Variants in TSHZ3 observed in about 807,000 individuals in gnomAD.
TSHZ3 encodes teashirt homolog 3.
In TSHZ3, 10 loss-of-function variants were observed where a neutral mutation model predicts 64.5. That is an observed-to-expected ratio of 0.16 (90% confidence interval 0.10 to 0.26). TSHZ3 has a LOEUF of 0.26. Ranked by LOEUF, TSHZ3 falls within the 10% of genes least tolerant of loss-of-function variation. The pLI is 1.00. For synonymous variants in TSHZ3, 608 were observed against 593.1 expected (o/e 1.03, Z -0.36); for missense variants, 1,242 against 1,421.7 (o/e 0.87, Z 2.03).
At chr19:31,159,862 T>G (rs942755244) in intron 5 of TSHZ3, among the ~76,000 whole-genome samples, 2 of 152,090 alleles carry the variant, frequency 1.3e-5, no homozygotes, top group Admixed American at 1.3e-4. Context: ...CCAGCTAATC[T>G]TTTATTTTTC....
chr19:31,181,939 G>A (rs556137976), intron 5 of TSHZ3, among the ~76,000 whole-genome samples: 1 of 152,302 alleles, frequency 6.6e-6, no homozygotes, highest in Admixed American at 6.5e-5. Flanking sequence ...GAAGCCAGAA[G>A]GAACTGGAGT....
chr19:31,158,570 C>T (rs1488899046), intron 5 of TSHZ3, among the ~76,000 whole-genome samples: 1 of 152,098 alleles, frequency 6.6e-6, no homozygotes, highest in African/African-American at 2.4e-5. Flanking sequence ...ACAAGGTTTC[C>T]ACGAGCCAGA....
intron 1 of TSHZ3, among the ~76,000 whole-genome samples, chr19:31,329,300 T>C (rs1917010014): frequency 6.6e-6 from 1 of 152,226 alleles, no homozygotes; most frequent in Admixed American, 6.5e-5. Flanking sequence ...GGTAATTTCT[T>C]ACTACTGAAA....
chr19:31,285,566 T>C (rs1976445330), intron 1 of TSHZ3, among the ~76,000 whole-genome samples: 1 of 151,034 alleles, frequency 6.6e-6, no homozygotes, highest in African/African-American at 2.4e-5. Flanking sequence ...GGAGATTGCC[T>C]GAGCTCAGGA....
intron 5 of TSHZ3, among the ~76,000 whole-genome samples, chr19:31,178,089 A>G (rs190321010): frequency 5.9e-5 from 9 of 152,350 alleles, no homozygotes; most frequent in Non-Finnish European, 1.2e-4. Context: ...CAGCCTGAGC[A>G]TGAAAGGAAA....
chr19:31,345,211 G>C (rs775247702), intron 1 of TSHZ3, among the ~76,000 whole-genome samples: 1 of 152,198 alleles, frequency 6.6e-6, no homozygotes, highest in Non-Finnish European at 1.5e-5. Flanking sequence ...AAAAATCATA[G>C]AACGGTCAAA....
At chr19:31,213,781 C>A (rs969050766) in intron 4 of TSHZ3, among the ~76,000 whole-genome samples, 1 of 152,138 alleles carries the variant, frequency 6.6e-6, no homozygotes, top group African/African-American at 2.4e-5. Context: ...AAGGAATGAG[C>A]GTGCTGGCAC....
intron 1 of TSHZ3, among the ~76,000 whole-genome samples, chr19:31,303,024 G>A (rs771031714): frequency 6.6e-6 from 1 of 152,042 alleles, no homozygotes; most frequent in Non-Finnish European, 1.5e-5. Flanking sequence ...ATAAACACAC[G>A]CCCATCCACA....
chr19:31,177,216 A>C (rs1194854368), intron 5 of TSHZ3, among the ~76,000 whole-genome samples: 3 of 152,226 alleles, frequency 2.0e-5, no homozygotes, highest in African/African-American at 4.8e-5. Context: ...GCCTTCATAC[A>C]GTGGGTTACT....
chr19:31,183,212 C>T lies in TSHZ3; in HGVS notation n.809+21744G>A, dbSNP rs974007585. On this transcript the variant is annotated intron_variant and non_coding_transcript_variant, in intron 5 of 6. Transcript: ENST00000651361. ...TCTCTCTCTCTCTCTCTCTCTCTCT[C>T]TCTCTCTCTCTCTCTTTCTCTCTCT... is the stretch of plus-strand genomic sequence containing the variant. Among the ~76,000 whole-genome samples the T allele has an allele frequency of 7.6e-3, 718 of 94,236 alleles. 6 individuals carry two copies. The highest frequency in any genetic ancestry group is 0.019 in the South Asian group (55 of 2,842). 61.8% of individuals were successfully genotyped at this position (94,236 alleles called of 152,430 possible).
downstream of TSHZ3, among the ~76,000 whole-genome samples, chr19:31,273,157 G>A (rs1015806702): frequency 6.6e-6 from 1 of 152,132 alleles, no homozygotes; most frequent in African/African-American, 2.4e-5. Context: ...TCCAAGTAGG[G>A]GGAGACCGTA....
chr19:31,320,117 A>G (rs891530379), intron 1 of TSHZ3, among the ~76,000 whole-genome samples: 1 of 152,192 alleles, frequency 6.6e-6, no homozygotes, highest in Non-Finnish European at 1.5e-5. Flanking sequence ...TGAAATATAC[A>G]TGTAGGTTCT....
At position 31,277,168 on chromosome 19, in the gene TSHZ3, G is replaced by A. The variant is rs763246396; in HGVS notation, c.2625C>T (p.Asp875=). The A allele has an allele frequency of 1.5e-5, 25 of 1,613,850 alleles. No homozygotes were observed. Among genetic ancestry groups the A allele is most frequent in the Admixed American group, 1.2e-4 (7 of 60,008 alleles). ...CCTCAGCCTCCTCCAGAGTGGCCCC[G>A]TCAATGTCAGACTTCTCGGAGATGC... ...PSSISEKSDI[D]GATLEEAEES... Residue 875 remains aspartate (D), a synonymous_variant, in exon 2 of 2, where the codon GAC becomes GAT. Coordinates refer to ENST00000240587, the MANE Select transcript of TSHZ3 (RefSeq NM_020856.4). The surrounding 1 kb of genome is among the most constrained non-coding windows in gnomAD (Gnocchi z 4.5).
intron 5 of TSHZ3, among the ~76,000 whole-genome samples, chr19:31,171,316 T>C (rs371640958): frequency 6.6e-6 from 1 of 152,030 alleles, no homozygotes; most frequent in South Asian, 2.1e-4. Flanking sequence ...ACTGAGACAA[T>C]GAGTATTGCC....
intron 1 of TSHZ3, among the ~76,000 whole-genome samples, chr19:31,244,171 G>A (rs1975730534): frequency 6.6e-6 from 1 of 152,194 alleles, no homozygotes; most frequent in African/African-American, 2.4e-5. Context: ...GTAATGCCCA[G>A]TGTTGGAGGT....
intron 6 of TSHZ3, among the ~76,000 whole-genome samples, chr19:31,153,317 C>T (rs553744399): frequency 6.6e-6 from 1 of 152,302 alleles, no homozygotes; most frequent in African/African-American, 2.4e-5. Context: ...TATAAGTCTT[C>T]TAAACTCTGG....
intron 1 of TSHZ3, among the ~76,000 whole-genome samples, chr19:31,255,847 T>C (rs981046113): frequency 2.6e-5 from 4 of 152,124 alleles, no homozygotes; most frequent in African/African-American, 9.7e-5. Context: ...TCAGTGCCAA[T>C]CCTGTTCAAG....
intron 1 of TSHZ3, among the ~76,000 whole-genome samples, chr19:31,339,194 CTTTT>C (rs373268669): frequency 6.9e-6 from 1 of 144,478 alleles, no homozygotes; most frequent in Non-Finnish European, 1.5e-5. Flanking sequence ...TTTCTTTTTT[CTTTT>C]TTTTTTCTCT....
intron 5 of TSHZ3, among the ~76,000 whole-genome samples, chr19:31,176,288 C>T (rs527768373): frequency 1.3e-5 from 2 of 152,082 alleles, no homozygotes; most frequent in South Asian, 4.2e-4. Flanking sequence ...GAGGGGTGGG[C>T]ACATGTTTCA....
Sources: allele counts gnomAD v4.1 joint callset (sites outside exome capture counted in the v4.1 genomes callset), GRCh38; gene constraint gnomAD v4.1.1; non-coding constraint Gnocchi (gnomAD v3.1); transcripts MANE v1.5; gene names NCBI Gene and HGNC (gene_info 2026-07-23, HGNC 2026-07-21).